SRRM3: variants seen among roughly 807,000 people sequenced by gnomAD.
The protein encoded by SRRM3 is serine/arginine repetitive matrix protein 3.
SRRM3 carries 27 observed loss-of-function variants against 66.2 expected under a neutral mutation model. The ratio of observed to expected loss-of-function variants is 0.41; its 90% CI spans 0.30 to 0.56. The LOEUF (loss-of-function observed/expected upper bound fraction) is 0.56, where lower values mean the gene tolerates loss of function less well. Among genes scored for constraint, SRRM3 ranks in the 20% least tolerant of loss-of-function variants. The probability of loss-of-function intolerance (pLI) is 0.32; values close to 1 mark genes in which losing one functional copy is unlikely to be tolerated. For synonymous variants in SRRM3, 391 were observed against 414.9 expected (o/e 0.94, Z 0.70); for missense variants, 918 against 991.9 (o/e 0.93, Z 1.00).
intron 2 of SRRM3, among the ~76,000 whole-genome samples, chr7:76,247,985 G>C (rs1289020382): frequency 6.6e-6 from 1 of 152,222 alleles, no homozygotes; most frequent in Non-Finnish European, 1.5e-5. Flanking sequence ...GAGAGCCACT[G>C]CGCCTGGCCA....
At chr7:76,235,362 A>G in intron 2 of SRRM3, 63 bp downstream of exon 2, 2 of 1,269,878 alleles carry the variant, frequency 1.6e-6, no homozygotes, top group South Asian at 1.5e-5. Flanking sequence ...GGGAGAAGCG[A>G]GTGATGCTGC....
rs187565298 is a variant in SRRM3 at position 76,251,753 on chromosome 7, G to C, written c.335+3464G>C. On this transcript the variant is annotated intron_variant, in intron 3 of 14. Transcript: ENST00000611745. ...CAGACCAGCCTGGGCAACAGAGCAA[G>C]ACCCCCATCTCTATTTAAAAAAAAA... Among the ~76,000 whole-genome samples the C allele has an allele frequency of 2.4e-4, 36 of 151,900 alleles. 1 individual carries two copies. Among genetic ancestry groups the C allele is most frequent in the Admixed American group, 2.2e-3 (34 of 15,214 alleles).
At chr7:76,275,269 A>G (rs1554610963) in intron 11 of SRRM3, among the ~76,000 whole-genome samples, 1 of 152,114 alleles carries the variant, frequency 6.6e-6, no homozygotes, top group East Asian at 1.9e-4. Context: ...TCACCCACTC[A>G]GAGCATCCTC....
chr7:76,226,870 C>T (rs1299427665), intron 1 of SRRM3, among the ~76,000 whole-genome samples: 1 of 152,196 alleles, frequency 6.6e-6, no homozygotes, highest in Non-Finnish European at 1.5e-5. Flanking sequence ...AGATTACAGG[C>T]ATAAGCCACC....
intron 11 of SRRM3, among the ~76,000 whole-genome samples, chr7:76,272,085 T>C (rs1413507618): frequency 6.6e-6 from 1 of 152,222 alleles, no homozygotes; most frequent in Non-Finnish European, 1.5e-5. Flanking sequence ...GAAGCCCTCC[T>C]GTCCAGTCTT....
intron 3 of SRRM3, among the ~76,000 whole-genome samples, chr7:76,258,723 A>G (rs146742735): frequency 0.22 from 29,655 of 136,824 alleles, 2,899 homozygotes; most frequent in East Asian, 0.41. Context: ...CAAAAAAAAA[A>G]AAAAAAAAAA....
At chr7:76,261,457 T>C in intron 7 of SRRM3, 43 bp downstream of exon 7, 1 of 1,597,020 alleles carries the variant, frequency 6.3e-7, no homozygotes, top group Middle Eastern at 1.7e-4. Context: ...CTTCCTCCCG[T>C]GGGGCCCAGG....
chr7:76,246,296 T>C (rs1801437461), intron 2 of SRRM3, among the ~76,000 whole-genome samples: 1 of 152,000 alleles, frequency 6.6e-6, no homozygotes, highest in Non-Finnish European at 1.5e-5. Context: ...GGGTGCGTTG[T>C]CTCACGCCTG....
chr7:76,234,037 C>A (rs1486402997), intron 1 of SRRM3, among the ~76,000 whole-genome samples: 1 of 152,140 alleles, frequency 6.6e-6, no homozygotes, highest in Admixed American at 6.5e-5. Context: ...CATACCCAAT[C>A]CCTTCTTTTC....
At chr7:76,205,652 AC>A (rs1281677647) in intron 1 of SRRM3, among the ~76,000 whole-genome samples, 1 of 151,950 alleles carries the variant, frequency 6.6e-6, no homozygotes, top group Non-Finnish European at 1.5e-5. Flanking sequence ...CTGGTGAACA[AC>A]CCTGAGAGGG....
Position 76,212,612 on chromosome 7 carries a change from G to A in SRRM3, c.-40+10545G>A, listed in dbSNP as rs1358467425. Reference sequence around the variant, plus strand: ...GCCTCCCAAGTAGCTGGGATTACAGGCACCCGCCACCATGCCCGGCTAATT... The same window carrying A: ...GCCTCCCAAGTAGCTGGGATTACAGACACCCGCCACCATGCCCGGCTAATT... On this transcript the variant is annotated intron_variant, in intron 1 of 14. Transcript: ENST00000611745. Among the ~76,000 whole-genome samples the A allele has an allele frequency of 3.3e-5, 5 of 151,286 alleles. No individual in the cohort carries two copies. The South Asian group carries it at 8.3e-4, about 25-fold the overall frequency.
At chr7:76,216,180 C>T (rs1554602572) in intron 1 of SRRM3, among the ~76,000 whole-genome samples, 1 of 151,874 alleles carries the variant, frequency 6.6e-6, no homozygotes, top group Admixed American at 6.6e-5. Flanking sequence ...TCGTGAACTT[C>T]TGACCTCAGG....
intron 11 of SRRM3, among the ~76,000 whole-genome samples, chr7:76,275,372 C>T (rs1802318376): frequency 1.3e-5 from 2 of 151,634 alleles, no homozygotes; most frequent in South Asian, 4.2e-4. Context: ...ACCTGTAGTC[C>T]CAGCTACTCA....
At chr7:76,279,676 G>A (rs1802445403) in intron 11 of SRRM3, among the ~76,000 whole-genome samples, 1 of 152,064 alleles carries the variant, frequency 6.6e-6, no homozygotes, top group Non-Finnish European at 1.5e-5. Flanking sequence ...GAGAAACTGA[G>A]GCCCAGACTG....
At chr7:76,278,127 A>T (rs1802403940) in intron 11 of SRRM3, among the ~76,000 whole-genome samples, 1 of 152,014 alleles carries the variant, frequency 6.6e-6, no homozygotes, top group African/African-American at 2.4e-5. Flanking sequence ...TGCCTCCTGG[A>T]GTGGGGGGAG....
chr7:76,258,997 T>C (rs1251496848), intron 3 of SRRM3, among the ~76,000 whole-genome samples: 1 of 151,302 alleles, frequency 6.6e-6, no homozygotes, highest in Non-Finnish European at 1.5e-5. Flanking sequence ...TGAGGTGAGA[T>C]TGCAGGAGAC....
intron 1 of SRRM3, among the ~76,000 whole-genome samples, chr7:76,209,021 C>G (rs1800368066): frequency 6.6e-6 from 1 of 151,994 alleles, no homozygotes; most frequent in Admixed American, 6.6e-5. Context: ...ATCACTTGAG[C>G]CCAGAAAGTC....
At chr7:76,216,148 T>C (rs1193476213) in intron 1 of SRRM3, among the ~76,000 whole-genome samples, 1 of 151,410 alleles carries the variant, frequency 6.6e-6, no homozygotes, top group Admixed American at 6.6e-5. Flanking sequence ...GAGATGGGGA[T>C]TCACCATGTT....
chr7:76,238,444 A>G (rs117780859), intron 2 of SRRM3, among the ~76,000 whole-genome samples: 57 of 152,314 alleles, frequency 3.7e-4, no homozygotes, highest in Admixed American at 1.6e-3. Context: ...TGGCCTCATT[A>G]AAAAGCAATC....
Sources: allele counts gnomAD v4.1 joint callset (sites outside exome capture counted in the v4.1 genomes callset), GRCh38; gene constraint gnomAD v4.1.1; transcripts MANE v1.5; gene names NCBI Gene and HGNC (gene_info 2026-07-23, HGNC 2026-07-21).